LEF1: variants seen among roughly 807,000 people sequenced by gnomAD.
LEF1 encodes lymphoid enhancer-binding factor 1.
A neutral mutation model predicts 51.2 loss-of-function variants in LEF1; 14 were observed. The observed-to-expected ratio is 0.27, with a 90% CI of 0.18 to 0.43. The LOEUF is 0.43. LEF1 is among the 20% of genes least tolerant of loss of function. The probability of loss-of-function intolerance (pLI) is 1.00; values close to 1 mark genes in which losing one functional copy is unlikely to be tolerated. For synonymous variants in LEF1, 185 were observed against 183.2 expected, an observed-to-expected ratio of 1.01 and a Z score of -0.08; for missense variants, 386 against 512.0, an observed-to-expected ratio of 0.75 and a Z score of 2.37.
At chr4:108,166,844 TG>T in intron 1 of LEF1, 1 of 984,820 alleles carries the variant, frequency 1.0e-6, no homozygotes, top group Non-Finnish European at 1.2e-6. Flanking sequence ...AAACTAGAGT[TG>T]GGGGCGGTAC....
intron 6 of LEF1, among the ~76,000 whole-genome samples, chr4:108,080,630 T>C (rs1370721061): frequency 6.6e-6 from 1 of 152,246 alleles, no homozygotes; most frequent in Non-Finnish European, 1.5e-5. Context: ...GTGAGAGTTC[T>C]ATCATCAGAT....
intron 3 of LEF1, among the ~76,000 whole-genome samples, chr4:108,160,068 T>C (rs755923291): frequency 6.6e-6 from 1 of 152,084 alleles, no homozygotes; most frequent in African/African-American, 2.4e-5. Context: ...TGAAGAGAAA[T>C]GAGATGTTTC....
chr4:108,097,654 C>T (rs548753004), intron 3 of LEF1, among the ~76,000 whole-genome samples: 1 of 152,206 alleles, frequency 6.6e-6, no homozygotes, highest in South Asian at 2.1e-4. Flanking sequence ...GACATGATTA[C>T]TACACCTTGT....
chr4:108,094,684 G>A lies in LEF1; in HGVS notation c.415-5427C>T, dbSNP rs1332022157. On this transcript the variant is annotated intron_variant, in intron 3 of 11. Transcript: ENST00000265165. ...CTAACTAAACTAAACCCAAAGTGCG[G>A]GATCTGGCTGTGCATAAAGGTCTGG... Among the ~76,000 whole-genome samples, 4 of 152,280 alleles carry A rather than the reference G, an allele frequency of 2.6e-5. No individual in the cohort carries two copies. In the East Asian group the frequency reaches 7.7e-4, roughly 29 times the overall value.
intron 3 of LEF1, among the ~76,000 whole-genome samples, chr4:108,091,370 A>C (rs574240400): frequency 1.3e-5 from 2 of 152,032 alleles, no homozygotes; most frequent in East Asian, 1.9e-4. Context: ...TAGAATTCTT[A>C]TACCCTATCT....
chr4:108,072,901 T>TG (rs371939088), intron 8 of LEF1: 1 of 151,938 alleles, frequency 6.6e-6, no homozygotes, highest in East Asian at 1.9e-4. Flanking sequence ...ATCATCGTTT[T>TG]TTGTTGTTGT....
chr4:108,090,246 G>A (rs903112252), intron 3 of LEF1, among the ~76,000 whole-genome samples: 1 of 152,090 alleles, frequency 6.6e-6, no homozygotes, highest in African/African-American at 2.4e-5. Flanking sequence ...CCAAAGTGCT[G>A]GGATTATAGG....
At chr4:108,100,526 C>T (rs1465088290) in intron 3 of LEF1, among the ~76,000 whole-genome samples, 2 of 151,958 alleles carry the variant, frequency 1.3e-5, no homozygotes, top group Admixed American at 6.6e-5. Flanking sequence ...TTTTCATTTC[C>T]ATCTCTTTTA....
intron 3 of LEF1, among the ~76,000 whole-genome samples, chr4:108,157,577 G>A (rs1433005910): frequency 2.0e-5 from 3 of 152,104 alleles, no homozygotes; most frequent in South Asian, 4.2e-4. Flanking sequence ...TAGACACAAC[G>A]GTCAACAAAT....
intron 3 of LEF1, among the ~76,000 whole-genome samples, chr4:108,126,582 C>A (rs1742545107): frequency 6.6e-6 from 1 of 151,810 alleles, no homozygotes; most frequent in African/African-American, 2.4e-5. Context: ...GAGGGCGAAT[C>A]ACTTGAGGAC....
chr4:108,068,263 G>C (rs573853902), intron 9 of LEF1, among the ~76,000 whole-genome samples: 122 of 151,338 alleles, frequency 8.1e-4, no homozygotes, highest in African/African-American at 2.8e-3. Flanking sequence ...GCGAATCTCT[G>C]TCTCAAAACA....
rs190128952 is a variant in LEF1, at chr4:108,083,056, A to G, written c.638+300T>C. Among the ~76,000 whole-genome samples the G allele has an allele frequency of 6.6e-5, 10 of 152,336 alleles. No individual in the cohort carries two copies. In the East Asian group the frequency reaches 1.9e-3, roughly 29 times the overall value. ...CTAGAAAAGAAGAACCACACTGAGC[A>G]CTAACTTTGTACAGGCATAGCAAAT... is the stretch of plus-strand genomic sequence containing the variant. On this transcript the variant is annotated intron_variant, in intron 5 of 11. Coordinates refer to ENST00000265165, the MANE Select transcript of LEF1 (RefSeq NM_016269.5).
At chr4:108,149,235 G>A (rs1004071625) in intron 3 of LEF1, among the ~76,000 whole-genome samples, 2 of 151,404 alleles carry the variant, frequency 1.3e-5, no homozygotes, top group African/African-American at 4.8e-5. Context: ...AGAGGCGGGC[G>A]GATCATGAGG....
intron 8 of LEF1, chr4:108,075,437 G>A (rs1044657069): frequency 1.3e-5 from 2 of 152,184 alleles, no homozygotes; most frequent in African/African-American, 2.4e-5. Context: ...AGGGTTGTTA[G>A]ATCCTCCTCA....
At chr4:108,081,451 G>A in intron 6 of LEF1, 135 bp downstream of exon 6, 1 of 672,564 alleles carries the variant, frequency 1.5e-6, no homozygotes, top group Non-Finnish European at 2.6e-6. Context: ...GTGGGAGCCA[G>A]GCACACTGCA....
intron 3 of LEF1, among the ~76,000 whole-genome samples, chr4:108,135,888 C>T (rs1473143417): frequency 2.0e-5 from 3 of 152,134 alleles, no homozygotes; most frequent in African/African-American, 7.2e-5. Context: ...TTCTTTTTGG[C>T]TTCATCCCCC....
At chr4:108,125,538 T>C (rs1412578753) in intron 3 of LEF1, among the ~76,000 whole-genome samples, 4 of 152,202 alleles carry the variant, frequency 2.6e-5, no homozygotes, top group Non-Finnish European at 5.9e-5. Flanking sequence ...TTTTCCAGTT[T>C]TCCACTATTA....
Position 108,125,304 on chromosome 4 carries a change from T to C in LEF1, c.415-36047A>G, listed in dbSNP as rs887465196. On this transcript the variant is annotated intron_variant, in intron 3 of 11. Coordinates refer to ENST00000265165, the MANE Select transcript of LEF1 (RefSeq NM_016269.5). ...TCAGCATCCTGAGTAGCTGGGATTATAGGCACCCACCGCCACGCCTGGTTA... is the reference window on the plus strand; with the variant it reads ...TCAGCATCCTGAGTAGCTGGGATTACAGGCACCCACCGCCACGCCTGGTTA... Among the ~76,000 whole-genome samples the C allele has an allele frequency of 6.6e-5, 10 of 152,164 alleles. 1 individual carries two copies. In the South Asian group the frequency reaches 1.9e-3, roughly 28 times the overall value.
intron 3 of LEF1, among the ~76,000 whole-genome samples, chr4:108,130,161 C>T (rs1444294694): frequency 6.6e-6 from 1 of 152,062 alleles, no homozygotes; most frequent in African/African-American, 2.4e-5. Context: ...TCCCTTCATA[C>T]AAGGACATGC....
Sources: allele counts gnomAD v4.1 joint callset (sites outside exome capture counted in the v4.1 genomes callset), GRCh38; gene constraint gnomAD v4.1.1; transcripts MANE v1.5; gene names NCBI Gene and HGNC (gene_info 2026-07-23, HGNC 2026-07-21).